The following CSMD1 variants were observed in gnomAD, a reference collection of about 807,000 sequenced individuals.
CSMD1 encodes the protein CUB and Sushi multiple domains 1, also known as CUB and sushi domain-containing protein 1.
Under a neutral mutation model 417.5 loss-of-function variants are expected in CSMD1, and 213 were observed. That is an observed-to-expected ratio of 0.51 (90% CI 0.46 to 0.57). The LOEUF (loss-of-function observed/expected upper bound fraction) is 0.57. Ranked by LOEUF, CSMD1 falls within the 20% of genes least tolerant of loss-of-function variation. The probability of loss-of-function intolerance (pLI) is 0.00; values close to 1 mark genes in which losing one functional copy is unlikely to be tolerated. For synonymous variants in CSMD1, 2,862 were observed against 1,736.8 expected, an observed-to-expected ratio of 1.65 and a Z score of -16.11; for missense variants, 6,923 against 4,529.7, an observed-to-expected ratio of 1.53 and a Z score of -15.17.
At chr8:4,178,393 A>C (rs1158401729) in intron 3 of CSMD1, among the ~76,000 whole-genome samples, 1 of 150,938 alleles carries the variant, frequency 6.6e-6, no homozygotes, top group Non-Finnish European at 1.5e-5. Flanking sequence ...CTTCATGCTA[A>C]AAACTCTCAA....
chr8:4,334,951 C>T (rs932307350), intron 3 of CSMD1, among the ~76,000 whole-genome samples: 1 of 152,110 alleles, frequency 6.6e-6, no homozygotes, highest in Non-Finnish European at 1.5e-5. Context: ...GCTACATCCT[C>T]ACATGACAGT....
At chr8:3,789,288 G>C (rs1287448641) in intron 5 of CSMD1, among the ~76,000 whole-genome samples, 1 of 151,632 alleles carries the variant, frequency 6.6e-6, no homozygotes, top group Non-Finnish European at 1.5e-5. Context: ...TTGTTTTCAA[G>C]CTTCCCAGTT....
intron 17 of CSMD1, among the ~76,000 whole-genome samples, chr8:3,394,345 G>A (rs1227564206): frequency 1.3e-5 from 2 of 150,114 alleles, no homozygotes; most frequent in African/African-American, 4.9e-5. Flanking sequence ...TTTATGAAAT[G>A]ACTTTTTATC....
chr8:4,056,023 C>T (rs112782105), intron 3 of CSMD1, among the ~76,000 whole-genome samples: 10 of 151,588 alleles, frequency 6.6e-5, no homozygotes, highest in African/African-American at 2.4e-4. Context: ...ACACAGATTT[C>T]CTCCTGGGAA....
Position 4,510,390 on chromosome 8 carries a change from T to TAAAAAAAAAAAAA in CSMD1, c.303-90338_303-90326dup, listed in dbSNP as rs34791623. On this transcript the variant is annotated intron_variant, in intron 2 of 69. Transcript: ENST00000635120. ...GTAGACAATTAAAAAGCATAATGCC[T>TAAAAAAAAAAAAA]AAAAAAAAAAAAAAAAAAAAAAAAA... Among the ~76,000 whole-genome samples, 32 of 54,642 alleles carry TAAAAAAAAAAAAA rather than the reference T, an allele frequency of 5.9e-4. 2 individuals are homozygous for TAAAAAAAAAAAAA. Among genetic ancestry groups the TAAAAAAAAAAAAA allele is most frequent in the Admixed American group, 8.7e-4 (4 of 4,622 alleles). 35.8% of individuals were successfully genotyped at this position (54,642 alleles called of 152,430 possible).
intron 7 of CSMD1, among the ~76,000 whole-genome samples, chr8:3,644,085 G>A (rs944712301): frequency 6.6e-6 from 1 of 152,150 alleles, no homozygotes. Context: ...GTGCTCCAGG[G>A]CAGCCCTTCT....
intron 1 of CSMD1, among the ~76,000 whole-genome samples, chr8:4,919,172 A>C (rs1229066749): frequency 6.6e-6 from 1 of 152,242 alleles, no homozygotes; most frequent in African/African-American, 2.4e-5. Flanking sequence ...AAGTAAAATT[A>C]AAATCCTGTA....
intron 49 of CSMD1, among the ~76,000 whole-genome samples, chr8:3,062,268 C>A (rs1035877944): frequency 6.6e-6 from 1 of 151,950 alleles, no homozygotes; most frequent in Non-Finnish European, 1.5e-5. Flanking sequence ...ACCATTAATA[C>A]CATGCTGAAG....
At chr8:4,122,570 G>C (rs908880424) in intron 3 of CSMD1, among the ~76,000 whole-genome samples, 11 of 152,132 alleles carry the variant, frequency 7.2e-5, no homozygotes, top group African/African-American at 2.4e-4. Flanking sequence ...CCAATGTTTG[G>C]AGGACATCGC....
chr8:3,739,734 A>G (rs1406598593), intron 6 of CSMD1, among the ~76,000 whole-genome samples: 1 of 152,224 alleles, frequency 6.6e-6, no homozygotes, highest in African/African-American at 2.4e-5. Flanking sequence ...CTATTGATCC[A>G]CAGTTATCAC....
In CSMD1 at chr8:3,322,823, C is replaced by A. The variant is rs1397583667; in HGVS notation, c.3632-14320G>T. Among the ~76,000 whole-genome samples the A allele has an allele frequency of 3.3e-5, 5 of 152,348 alleles. No individual in the cohort carries two copies. The East Asian group carries it at 9.7e-4, about 29-fold the overall frequency. ...CTCCTGTCCAGTCTGCTTACAAAAT[C>A]ATTTCCTTATTCTTAACAAAGGAAA... is the stretch of plus-strand genomic sequence containing the variant. On this transcript the variant is annotated intron_variant, in intron 23 of 69. Transcript: ENST00000635120.
At chr8:3,508,485 A>T (rs912120150) in intron 10 of CSMD1, among the ~76,000 whole-genome samples, 1 of 150,024 alleles carries the variant, frequency 6.7e-6, no homozygotes, top group Admixed American at 6.7e-5. Flanking sequence ...GTGCACATGT[A>T]CCCTAGAACT....
intron 10 of CSMD1, among the ~76,000 whole-genome samples, chr8:3,570,908 A>G (rs569422803): frequency 6.6e-6 from 1 of 152,346 alleles, no homozygotes; most frequent in Non-Finnish European, 1.5e-5. Context: ...TTTAGATAGA[A>G]TTTCAATTAT....
chr8:4,428,524 A>G (rs1042362569), intron 2 of CSMD1, among the ~76,000 whole-genome samples: 3 of 152,206 alleles, frequency 2.0e-5, no homozygotes, highest in South Asian at 2.1e-4. Context: ...CAGAGCAGGT[A>G]TACACACAGA....
intron 46 of CSMD1, among the ~76,000 whole-genome samples, chr8:3,105,219 G>A (rs999438903): frequency 6.6e-6 from 1 of 152,196 alleles, no homozygotes; most frequent in African/African-American, 2.4e-5. Context: ...GCACAGTGCA[G>A]GGAAGAGTGA....
chr8:4,495,169 TACTTAGC>T (rs1201855703), intron 2 of CSMD1, among the ~76,000 whole-genome samples: 1 of 152,178 alleles, frequency 6.6e-6, no homozygotes. Context: ...ACTTCCATTA[TACTTAGC>T]ATTACCCAGA....
At chr8:3,993,279 C>A (rs1814901122) in intron 5 of CSMD1, among the ~76,000 whole-genome samples, 1 of 152,164 alleles carries the variant, frequency 6.6e-6, no homozygotes, top group Non-Finnish European at 1.5e-5. Context: ...CATGATGCCT[C>A]CTTCCTTTAA....
intron 8 of CSMD1, among the ~76,000 whole-genome samples, chr8:3,603,871 G>T (rs1801479569): frequency 6.6e-6 from 1 of 152,152 alleles, no homozygotes. Context: ...GTACATAAAT[G>T]ATCTAGCAAA....
intron 7 of CSMD1, among the ~76,000 whole-genome samples, chr8:3,653,597 C>A (rs924165144): frequency 3.9e-5 from 6 of 152,166 alleles, no homozygotes; most frequent in African/African-American, 1.4e-4. Context: ...GTGTGAGCCA[C>A]CCTGCCTGGC....
Sources: gnomAD v4.1 joint callset for allele counts (sites outside exome capture counted in the v4.1 genomes callset) on GRCh38, gnomAD v4.1.1 for gene constraint, MANE v1.5 for transcripts, NCBI Gene and HGNC (gene_info 2026-07-23, HGNC 2026-07-21) for gene names.